PRKN: variants seen among roughly 807,000 people sequenced by gnomAD.
PRKN encodes parkin RBR E3 ubiquitin protein ligase, also known as E3 ubiquitin-protein ligase parkin.
In PRKN, 56 loss-of-function variants were observed where a neutral mutation model predicts 59.5. That is an observed-to-expected ratio of 0.94 (90% CI 0.76 to 1.18). PRKN has a LOEUF of 1.18. PRKN is among the 50% of genes most tolerant of loss of function. The pLI is 0.00. For missense variants in PRKN, 657 were observed against 596.4 expected (o/e 1.10, Z -1.06); for synonymous variants, 250 against 222.1 (o/e 1.13, Z -1.12).
intron 4 of PRKN, among the ~76,000 whole-genome samples, chr6:162,165,884 A>G (rs778370829): frequency 1.3e-4 from 19 of 151,790 alleles, no homozygotes; most frequent in Non-Finnish European, 2.6e-4. Flanking sequence ...CCCCTTCTCT[A>G]CTAAAATACA....
intron 1 of PRKN, among the ~76,000 whole-genome samples, chr6:162,455,789 T>C (rs1045979872): frequency 6.6e-6 from 1 of 152,126 alleles, no homozygotes; most frequent in Non-Finnish European, 1.5e-5. Flanking sequence ...AATTTTATTA[T>C]AAATATTGTA....
chr6:162,272,104 C>T (rs898715761), intron 2 of PRKN, among the ~76,000 whole-genome samples: 2 of 152,006 alleles, frequency 1.3e-5, no homozygotes, highest in Non-Finnish European at 2.9e-5. Context: ...AGAGGGGCTC[C>T]ATAGGGGGCG....
intron 4 of PRKN, among the ~76,000 whole-genome samples, chr6:162,176,899 G>A (rs1783561697): frequency 6.8e-6 from 1 of 148,102 alleles, no homozygotes; most frequent in Non-Finnish European, 1.5e-5. Context: ...TTTTGTTTTG[G>A]CTAATCAGAC....
At chr6:161,854,873 A>T (rs376440768) in intron 6 of PRKN, among the ~76,000 whole-genome samples, 3 of 152,166 alleles carry the variant, frequency 2.0e-5, no homozygotes, top group East Asian at 1.9e-4. Context: ...TCATGAGGTT[A>T]GGAGTTCAAG....
At chr6:162,270,666 T>G (rs1275474790) in intron 2 of PRKN, 2 of 152,192 alleles carry the variant, frequency 1.3e-5, no homozygotes, top group Admixed American at 6.5e-5. Flanking sequence ...TCAGACTAAT[T>G]TAAAAATCAA....
intron 2 of PRKN, among the ~76,000 whole-genome samples, chr6:162,350,122 G>A (rs1784565052): frequency 6.6e-6 from 1 of 151,704 alleles, no homozygotes; most frequent in Non-Finnish European, 1.5e-5. Context: ...TATAAAACAG[G>A]AAAACATCTG....
At chr6:161,482,016 G>T (rs1164901952) in intron 9 of PRKN, among the ~76,000 whole-genome samples, 1 of 145,402 alleles carries the variant, frequency 6.9e-6, no homozygotes, top group Admixed American at 6.9e-5. Flanking sequence ...TGCGGGGGGT[G>T]GGGGAGACTG....
At chr6:162,324,324 G>T (rs1346076026) in intron 2 of PRKN, among the ~76,000 whole-genome samples, 1 of 151,832 alleles carries the variant, frequency 6.6e-6, no homozygotes, top group Non-Finnish European at 1.5e-5. Flanking sequence ...AGAACTTCTT[G>T]GGGAATTTCT....
Position 161,673,728 on chromosome 6 carries a change from C to T in PRKN, c.872-104312G>A, listed in dbSNP as rs546658279. On this transcript the variant is annotated intron_variant, in intron 7 of 11. Transcript: ENST00000366898. Reference sequence around the variant, plus strand: ...AAACAGCCCATGGTGGCTTGGGCCACGGTCCAAGCCATGGTCAGATTGTGG... The same window carrying T: ...AAACAGCCCATGGTGGCTTGGGCCATGGTCCAAGCCATGGTCAGATTGTGG... Among the ~76,000 whole-genome samples the T allele has an allele frequency of 1.3e-4, 20 of 152,230 alleles. No individual in the cohort carries two copies. The South Asian group carries it at 3.5e-3, about 27-fold the overall frequency.
chr6:161,822,714 C>T (rs962910760), intron 6 of PRKN, among the ~76,000 whole-genome samples: 8 of 152,062 alleles, frequency 5.3e-5, no homozygotes, highest in African/African-American at 1.9e-4. Context: ...CAGTAACAAA[C>T]CAGAGGGGTC....
At chr6:162,092,134 C>T (rs1312836252) in intron 4 of PRKN, among the ~76,000 whole-genome samples, 1 of 152,132 alleles carries the variant, frequency 6.6e-6, no homozygotes. Context: ...GCGGGCAGAT[C>T]ACCTGAGGTC....
At chr6:161,596,055 C>T (rs1409045900) in intron 7 of PRKN, among the ~76,000 whole-genome samples, 3 of 152,026 alleles carry the variant, frequency 2.0e-5, no homozygotes, top group African/African-American at 4.8e-5. Context: ...GACATGGGGT[C>T]GGGGTGAGGA....
chr6:162,620,342 T>C (rs1277536911), intron 1 of PRKN, among the ~76,000 whole-genome samples: 1 of 152,178 alleles, frequency 6.6e-6, no homozygotes, highest in Non-Finnish European at 1.5e-5. Flanking sequence ...TTCTGGTTAT[T>C]GTTAATTACA....
chr6:162,135,735 G>A (rs1781538891), intron 4 of PRKN, among the ~76,000 whole-genome samples: 1 of 152,024 alleles, frequency 6.6e-6, no homozygotes, highest in East Asian at 1.9e-4. Context: ...GGTGAAAGGT[G>A]AAAGGTGAAA....
At chr6:161,879,837 A>C (rs1794865994) in intron 6 of PRKN, among the ~76,000 whole-genome samples, 1 of 152,196 alleles carries the variant, frequency 6.6e-6, no homozygotes, top group Admixed American at 6.5e-5. Flanking sequence ...CATTTTACAT[A>C]ATTACAGTGT....
rs761430731 is a variant in PRKN, at chr6:162,054,144, G to T, written c.565C>A (p.Pro189Thr). The stretch of plus-strand genomic sequence containing the variant: ...TGGCATTCACCACTCATCCGGTTTG[G>T]AATTAAAACATCATCCCAGCAAGAT... ...GPSCWDDVLI[P>T]NRMSGECQSP... Residue 189 changes from proline (P) to threonine (T), a missense_variant, in exon 5 of 12, where the codon CCA becomes ACA. Transcript: ENST00000366898. The T allele has an allele frequency of 2.5e-6, 4 of 1,613,354 alleles. No individual in the cohort carries two copies. The East Asian group carries it at 8.9e-5, about 36-fold the overall frequency.
intron 2 of PRKN, among the ~76,000 whole-genome samples, chr6:162,365,045 C>T (rs1785360638): frequency 6.7e-6 from 1 of 148,636 alleles, no homozygotes; most frequent in South Asian, 2.1e-4. Context: ...TTCCAATTTC[C>T]CTGTTTTCTA....
chr6:161,511,136 T>C (rs952030723), intron 9 of PRKN, among the ~76,000 whole-genome samples: 1 of 152,172 alleles, frequency 6.6e-6, no homozygotes, highest in Admixed American at 6.6e-5. Flanking sequence ...CATCGTTTAC[T>C]AGGAAGAAAA....
intron 6 of PRKN, among the ~76,000 whole-genome samples, chr6:161,876,779 G>A (rs1330847778): frequency 1.3e-5 from 2 of 152,024 alleles, no homozygotes; most frequent in South Asian, 2.1e-4. Flanking sequence ...TTAGAAGCCA[G>A]TATCTGTAGA....
Sources: allele counts gnomAD v4.1 joint callset (sites outside exome capture counted in the v4.1 genomes callset), GRCh38; gene constraint gnomAD v4.1.1; transcripts MANE v1.5; gene names NCBI Gene and HGNC (gene_info 2026-07-23, HGNC 2026-07-21).